NR5A2: variants seen among roughly 807,000 people sequenced by gnomAD.
The protein encoded by NR5A2 is CYP7A promoter-binding factor.
NR5A2 carries 26 observed loss-of-function variants against 62.7 expected under a neutral mutation model. The observed-to-expected ratio is 0.41, with a 90% CI of 0.30 to 0.58. NR5A2 has a LOEUF of 0.58. Among genes scored for constraint, NR5A2 ranks in the 20% least tolerant of loss-of-function variants. The pLI is 0.22. For synonymous variants in NR5A2, 246 were observed against 241.7 expected (o/e 1.02, Z -0.16); for missense variants, 541 against 669.1 (o/e 0.81, Z 2.11).
intron 5 of NR5A2, among the ~76,000 whole-genome samples, chr1:200,060,792 C>T (rs988577407): frequency 1.3e-5 from 2 of 151,932 alleles, no homozygotes; most frequent in African/African-American, 4.8e-5. Context: ...AAGGAATAGC[C>T]AAAAGCTTTG....
At chr1:200,084,224 A>G (rs1022119197) in intron 5 of NR5A2, among the ~76,000 whole-genome samples, 12 of 152,104 alleles carry the variant, frequency 7.9e-5, no homozygotes, top group Non-Finnish European at 1.5e-4. Context: ...GCACTCATGT[A>G]ATTAAAAAGC....
chr1:200,045,041 T>C (rs1405378933), intron 3 of NR5A2, among the ~76,000 whole-genome samples: 1 of 151,918 alleles, frequency 6.6e-6, no homozygotes, highest in Non-Finnish European at 1.5e-5. Flanking sequence ...CATTTTGCAA[T>C]GGTTTATCAC....
intron 5 of NR5A2, among the ~76,000 whole-genome samples, chr1:200,053,581 A>G (rs1026530398): frequency 8.6e-5 from 13 of 151,332 alleles, no homozygotes; most frequent in African/African-American, 2.2e-4. Flanking sequence ...ACACACACAC[A>G]CACACACACA....
chr1:200,062,264 T>C (rs967455271), intron 5 of NR5A2, among the ~76,000 whole-genome samples: 3 of 152,130 alleles, frequency 2.0e-5, no homozygotes, highest in Non-Finnish European at 4.4e-5. Context: ...TGTGTATCTG[T>C]GTCCATGTGT....
intron 5 of NR5A2, among the ~76,000 whole-genome samples, chr1:200,096,351 G>C (rs1404055865): frequency 1.3e-5 from 2 of 152,180 alleles, no homozygotes; most frequent in African/African-American, 4.8e-5. Flanking sequence ...GCCTCCCAAA[G>C]TGCTGAGATT....
chr1:200,152,813 A>G (rs1429011591), intron 7 of NR5A2, among the ~76,000 whole-genome samples: 1 of 152,128 alleles, frequency 6.6e-6, no homozygotes, highest in African/African-American at 2.4e-5. Flanking sequence ...CCATTCAGCT[A>G]TGGTCACTAC....
chr1:200,150,192 G>C (rs1194763520), intron 7 of NR5A2, among the ~76,000 whole-genome samples: 1 of 152,098 alleles, frequency 6.6e-6, no homozygotes, highest in African/African-American at 2.4e-5. Context: ...ACACATAAAA[G>C]GAAACCAAAA....
At chr1:200,119,042 T>A (rs1211692953) in intron 6 of NR5A2, among the ~76,000 whole-genome samples, 5 of 152,204 alleles carry the variant, frequency 3.3e-5, no homozygotes, top group Non-Finnish European at 7.4e-5. Flanking sequence ...CTAACACACA[T>A]TAACTGTGGC....
chr1:200,087,265 C>T (rs1664597143), intron 5 of NR5A2, among the ~76,000 whole-genome samples: 1 of 151,962 alleles, frequency 6.6e-6, no homozygotes, highest in East Asian at 1.9e-4. Context: ...CACACACACA[C>T]ACCCTTCCTC....
intron 7 of NR5A2, among the ~76,000 whole-genome samples, chr1:200,138,053 AT>A (rs1325587794): frequency 6.6e-6 from 1 of 152,158 alleles, no homozygotes; most frequent in African/African-American, 2.4e-5. Flanking sequence ...CAACTTATGT[AT>A]TTTAGATTCT....
At chr1:200,076,628 C>G (rs1558123933) in intron 5 of NR5A2, among the ~76,000 whole-genome samples, 1 of 151,980 alleles carries the variant, frequency 6.6e-6, no homozygotes, top group East Asian at 1.9e-4. Flanking sequence ...ATAGTAAATA[C>G]CTTACTTGAT....
At chr1:200,153,668 T>C (rs558543643) in intron 7 of NR5A2, among the ~76,000 whole-genome samples, 5 of 152,096 alleles carry the variant, frequency 3.3e-5, no homozygotes, top group African/African-American at 1.2e-4. Flanking sequence ...TTAAAACAGG[T>C]ATAGTGAAAG....
At chr1:200,081,767 CTT>C (rs3033982) in intron 5 of NR5A2, among the ~76,000 whole-genome samples, 29,002 of 144,930 alleles carry the variant, frequency 0.2, 2,885 homozygotes, top group East Asian at 0.28. Context: ...CATAGTCTAC[CTT>C]TTTTTTTTTT....
chr1:200,128,208 ACAGG>A (rs1666814085), intron 7 of NR5A2, among the ~76,000 whole-genome samples: 1 of 152,144 alleles, frequency 6.6e-6, no homozygotes, highest in East Asian at 1.9e-4. Context: ...GGTCCTCCAT[ACAGG>A]CAGGTTTCGT....
At chr1:200,109,672 A>G (rs16845996) in intron 5 of NR5A2, among the ~76,000 whole-genome samples, 6,540 of 152,290 alleles carry the variant, frequency 0.043, 464 homozygotes, top group African/African-American at 0.15. Context: ...CCACATAAAA[A>G]TGAATTTGAT....
At position 200,174,317 on chromosome 1, in the gene NR5A2, C is replaced by T. The variant is rs543874380; in HGVS notation, c.*107C>T. On this transcript the variant is annotated 3_prime_UTR_variant, in exon 8 of 8. Coordinates refer to ENST00000367362, the MANE Select transcript of NR5A2 (RefSeq NM_205860.3). The stretch of plus-strand genomic sequence containing the variant: ...AAGTACTCTGAACTGCTCCAAGTAA[C>T]GCTAATTAAAAACTTGCTTTAAAGA... The T allele has an allele frequency of 1.3e-4, 143 of 1,136,880 alleles. No homozygotes were observed. The highest frequency in any genetic ancestry group is 6.5e-4 in the East Asian group (24 of 36,736). 70.4% of individuals were successfully genotyped at this position (1,136,880 alleles called of 1,614,324 possible).
intron 7 of NR5A2, among the ~76,000 whole-genome samples, chr1:200,133,505 C>CTATATATATATATATATATATATA (rs138519275): frequency 2.8e-4 from 38 of 134,370 alleles, no homozygotes; most frequent in East Asian, 8.9e-4. Context: ...CACTGATGGA[C>CTATATATATATATATATATATATA]TATATATATA....
intron 5 of NR5A2, among the ~76,000 whole-genome samples, chr1:200,052,537 A>G (rs1004389873): frequency 1.3e-5 from 2 of 152,214 alleles, no homozygotes; most frequent in Non-Finnish European, 2.9e-5. Context: ...CAAATTACCT[A>G]TCAAGTGATA....
At chr1:200,033,372 G>A (rs527790687) in intron 1 of NR5A2, among the ~76,000 whole-genome samples, 5 of 152,190 alleles carry the variant, frequency 3.3e-5, no homozygotes, top group Admixed American at 2.6e-4. Context: ...CATGAGAGGA[G>A]GGGATAGGGA....
Sources: gnomAD v4.1 joint callset for allele counts (sites outside exome capture counted in the v4.1 genomes callset) on GRCh38, gnomAD v4.1.1 for gene constraint, MANE v1.5 for transcripts, NCBI Gene and HGNC (gene_info 2026-07-23, HGNC 2026-07-21) for gene names.